The following CTBS variants were observed in gnomAD, a reference collection of about 807,000 sequenced individuals.
CTBS encodes di-N-acetylchitobiase.
CTBS carries 35 observed loss-of-function variants against 44.3 expected under a neutral mutation model. The ratio of observed to expected loss-of-function variants is 0.79; its 90% confidence interval spans 0.60 to 1.05. The LOEUF is 1.05. Ranked by LOEUF, CTBS falls within the 50% of genes least tolerant of loss-of-function variation. CTBS has a pLI of 0.00. For synonymous variants in CTBS, 143 were observed against 168.0 expected (o/e 0.85, Z 1.15); for missense variants, 458 against 475.3 (o/e 0.96, Z 0.34).
chr1:84,563,464 T>G (rs754927341), intron 5 of CTBS, 46 bp from the exon 6 acceptor site: 1 of 1,355,480 alleles, frequency 7.4e-7, no homozygotes, highest in Non-Finnish European at 9.7e-7. Context: ...AATTATGCAA[T>G]TCTTAAAAGC....
intron 4 of CTBS, 32 bp downstream of exon 4, chr1:84,565,806 ATAT>A (rs1684688159): frequency 8.7e-7 from 1 of 1,148,910 alleles, no homozygotes. Flanking sequence ...AATATTATTA[ATAT>A]TATTAATAAA....
chr1:84,559,608 C>T (rs1684549473), intron 6 of CTBS, among the ~76,000 whole-genome samples: 1 of 151,612 alleles, frequency 6.6e-6, no homozygotes, highest in Admixed American at 6.6e-5. Flanking sequence ...GGTGACGGAG[C>T]GATACTCCAT....
chr1:84,553,018 A>G lies in CTBS; in HGVS notation c.*1981T>C. 1.4e-6 allele frequency: 2 copies of G among 1,477,652 alleles called. No individual in the cohort carries two copies. Among genetic ancestry groups the G allele is most frequent in the Non-Finnish European group, 1.8e-6 (2 of 1,099,806 alleles). The allele number at this position is 1,477,652 out of a possible 1,614,324, so 91.5% of individuals were successfully genotyped here. Reference sequence around the variant, plus strand: ...GGTATGATGAAGTTCATTTTTGAAAAGTAATTCTTTTTATAGATGAGAAAA... The same window carrying G: ...GGTATGATGAAGTTCATTTTTGAAAGGTAATTCTTTTTATAGATGAGAAAA... On this transcript the variant is annotated 3_prime_UTR_variant, in exon 7 of 7. Coordinates refer to ENST00000370630, the MANE Select transcript of CTBS (RefSeq NM_004388.3).
intron 6 of CTBS, among the ~76,000 whole-genome samples, chr1:84,557,533 C>CAAAAAAAAAAAAAAAAAAA (rs56101174): frequency 5.4e-5 from 3 of 55,440 alleles, no homozygotes; most frequent in Non-Finnish European, 1.1e-4. Context: ...AACTCCATCT[C>CAAAAAAAAAAAAAAAAAAA]AAAAAAAAAA....
At chr1:84,565,011 C>G (rs1298843642) in intron 4 of CTBS, among the ~76,000 whole-genome samples, 1 of 151,990 alleles carries the variant, frequency 6.6e-6, no homozygotes, top group Admixed American at 6.6e-5. Flanking sequence ...TGCACTCCAG[C>G]CTGGGCAACA....
At chr1:84,570,439 A>C in intron 2 of CTBS, 143 bp downstream of exon 2, 1 of 735,112 alleles carries the variant, frequency 1.4e-6, no homozygotes, top group Non-Finnish European at 2.2e-6. Context: ...TTGTGAAATG[A>C]ATTACACAGT....
At chr1:84,555,645 T>C (rs1317535829) in intron 6 of CTBS, among the ~76,000 whole-genome samples, 1 of 152,216 alleles carries the variant, frequency 6.6e-6, no homozygotes, top group Non-Finnish European at 1.5e-5. Flanking sequence ...TTTCATGTCC[T>C]AAGATTCTTT....
intron 6 of CTBS, among the ~76,000 whole-genome samples, chr1:84,556,426 T>C (rs1164694669): frequency 6.6e-6 from 1 of 152,088 alleles, no homozygotes; most frequent in Admixed American, 6.6e-5. Flanking sequence ...AGATGACCAC[T>C]TTGGGGCCGG....
At chr1:84,558,943 G>A (rs961627075) in intron 6 of CTBS, among the ~76,000 whole-genome samples, 3 of 152,014 alleles carry the variant, frequency 2.0e-5, no homozygotes, top group Non-Finnish European at 4.4e-5. Context: ...CATTCATTAA[G>A]GAAAAAACAA....
rs1684299469 is a variant in CTBS, at chr1:84,552,371, A to ATGC, written c.*2625_*2627dup. 6.6e-6 allele frequency: 1 copy of ATGC among 152,194 alleles called. No individual in the cohort carries two copies. 9.4% of individuals were successfully genotyped at this position (152,194 alleles called of 1,614,324 possible). ...CCTAACAAGCTCCCAACTGATGCTA[A>ATGC]TGCTGCTGTCCACAGACAACACTTG... is the stretch of plus-strand genomic sequence containing the variant. On this transcript the variant is annotated 3_prime_UTR_variant, in exon 7 of 7. Coordinates refer to ENST00000370630, the MANE Select transcript of CTBS (RefSeq NM_004388.3).
chr1:84,570,011 A>C lies in CTBS; in HGVS notation c.445T>G (p.Leu149Val). ...NIDIEQEVNC[L>V]SPEYDALTAL... ...GTTAATGCATCATATTCAGGTGATA[A>C]ACAATTAACTTCTTGCTCTATATCT... Residue 149 changes from leucine to valine, a missense_variant, in exon 3 of 7, where the codon TTA becomes GTA. Leu to Val is a conservative substitution (Grantham distance 32). Coordinates refer to ENST00000370630, the MANE Select transcript of CTBS (RefSeq NM_004388.3). 6.2e-7 allele frequency: 1 copy of C among 1,613,614 alleles called. No homozygotes were observed. Among genetic ancestry groups the C allele is most frequent in the East Asian group, 2.2e-5 (1 of 44,792 alleles).
Position 84,554,811 on chromosome 1 carries a change from C to T in CTBS, c.*188G>A. On this transcript the variant is annotated 3_prime_UTR_variant, in exon 7 of 7. Coordinates refer to ENST00000370630, the MANE Select transcript of CTBS (RefSeq NM_004388.3). ...AATAGGTAAGTTGACTTGCTTCTTG[C>T]CTTTATGTTCCTGGATACTGAGGAC... 1 of 515,114 alleles carries T rather than the reference C, an allele frequency of 1.9e-6. No individual in the cohort carries two copies. Among genetic ancestry groups the T allele is most frequent in the Non-Finnish European group, 3.4e-6 (1 of 294,684 alleles). The allele number at this position is 515,114 out of a possible 1,614,324, so 31.9% of individuals were successfully genotyped here.
intron 3 of CTBS, 86 bp downstream of exon 3, chr1:84,569,844 TA>T: frequency 8.3e-7 from 1 of 1,202,400 alleles, no homozygotes; most frequent in Non-Finnish European, 1.2e-6. Flanking sequence ...TGCATTACTA[TA>T]AAACAAAGAT....
chr1:84,556,837 C>A (rs1684445958), intron 6 of CTBS, among the ~76,000 whole-genome samples: 1 of 151,960 alleles, frequency 6.6e-6, no homozygotes, highest in African/African-American at 2.4e-5. Flanking sequence ...TCTTATATTC[C>A]ATTCTTTAAC....
chr1:84,573,270 T>C (rs746571088), intron 1 of CTBS, among the ~76,000 whole-genome samples: 3 of 152,258 alleles, frequency 2.0e-5, no homozygotes, highest in Non-Finnish European at 2.9e-5. Flanking sequence ...TTTGCTTCCC[T>C]GTTCGGCCTA....
At chr1:84,570,496 A>G (rs1647271361) in intron 2 of CTBS, 86 bp downstream of exon 2, 1 of 1,162,820 alleles carries the variant, frequency 8.6e-7, no homozygotes, top group Non-Finnish European at 1.2e-6. Flanking sequence ...TAAACATAAA[A>G]GGACTTTTTT....
intron 6 of CTBS, among the ~76,000 whole-genome samples, chr1:84,555,674 A>T (rs2994956): frequency 0.013 from 2,042 of 152,302 alleles, 40 homozygotes; most frequent in African/African-American, 0.045. Flanking sequence ...TTAGCCAGTG[A>T]TTATTAGCCA....
chr1:84,563,225 A>G, intron 6 of CTBS, 32 bp downstream of exon 6: 1 of 1,343,588 alleles, frequency 7.4e-7, no homozygotes. Flanking sequence ...AAACTAATAG[A>G]ATAAATGCTC....
Position 84,570,735 on chromosome 1 carries a change from A to T in CTBS, c.178-15T>A. 1 of 1,609,560 alleles carries T rather than the reference A, an allele frequency of 6.2e-7. No homozygotes were observed. The highest frequency in any genetic ancestry group is 8.5e-7 in the Non-Finnish European group (1 of 1,177,432). On this transcript the variant is annotated splice_polypyrimidine_tract_variant and intron_variant, in intron 1 of 6. Transcript: ENST00000370630. Reference sequence around the variant, plus strand: ...AACACAAAGACCTGCCAGAACAAAGATGAGCACCATCATTTAAACCAAGAA... The same window carrying T: ...AACACAAAGACCTGCCAGAACAAAGTTGAGCACCATCATTTAAACCAAGAA...
Sources: gnomAD v4.1 joint callset for allele counts (sites outside exome capture counted in the v4.1 genomes callset) on GRCh38, gnomAD v4.1.1 for gene constraint, MANE v1.5 for transcripts, NCBI Gene and HGNC (gene_info 2026-07-23, HGNC 2026-07-21) for gene names.